The following SLC39A14 variants were observed in gnomAD, a reference collection of about 807,000 sequenced individuals.
The protein encoded by SLC39A14 is metal cation symporter ZIP14.
SLC39A14 carries 19 observed loss-of-function variants against 45.5 expected under a neutral mutation model. The observed-to-expected ratio is 0.42, with a 90% CI of 0.29 to 0.61. The LOEUF (loss-of-function observed/expected upper bound fraction) is 0.61, where lower values mean the gene tolerates loss of function less well. SLC39A14 is among the 20% of genes least tolerant of loss of function. The pLI is 0.22. For missense variants in SLC39A14, 447 were observed against 616.5 expected (o/e 0.73, Z 2.91); for synonymous variants, 264 against 251.3 (o/e 1.05, Z -0.48).
intron 1 of SLC39A14, among the ~76,000 whole-genome samples, chr8:22,388,445 G>A (rs1833898845): frequency 1.3e-5 from 2 of 152,138 alleles, no homozygotes; most frequent in Admixed American, 1.3e-4. Context: ...TGGCAGGTGA[G>A]GGTGACAGTG....
At chr8:22,409,437 C>T (rs998947682) in intron 3 of SLC39A14, among the ~76,000 whole-genome samples, 1 of 151,690 alleles carries the variant, frequency 6.6e-6, no homozygotes, top group African/African-American at 2.4e-5. Context: ...GGCTGAAGTG[C>T]GGTGGTGCAA....
In SLC39A14 at chr8:22,429,170, G is replaced by A. The variant is rs559677709; in HGVS notation, c.1333-4721G>A. 1.8e-4 allele frequency among the ~76,000 whole-genome samples: 27 copies of A among 152,280 alleles called. 1 individual carries two copies. The highest frequency in any genetic ancestry group is 6.5e-4 in the African/African-American group (27 of 41,570). On this transcript the variant is annotated intron_variant, in intron 8 of 8. Transcript: ENST00000240095. Reference sequence around the variant, plus strand: ...ACCTGTGGTCCCAGCTACTCGGGAGGCTGAGGCAGGAGAATGGCATGAACC... The same window carrying A: ...ACCTGTGGTCCCAGCTACTCGGGAGACTGAGGCAGGAGAATGGCATGAACC...
chr8:22,370,912 C>T (rs187479593), intron 1 of SLC39A14, among the ~76,000 whole-genome samples: 102 of 152,262 alleles, frequency 6.7e-4, no homozygotes, highest in Non-Finnish European at 1.3e-3. Flanking sequence ...GATAAGGAGT[C>T]CAGAGTCCGC....
intron 1 of SLC39A14, among the ~76,000 whole-genome samples, chr8:22,368,472 C>T (rs552585204): frequency 4.6e-5 from 7 of 151,888 alleles, no homozygotes; most frequent in South Asian, 2.1e-4. Context: ...TATACAATTC[C>T]GTAATCCTTC....
chr8:22,424,762 C>CA (rs1234858606), downstream of SLC39A14, among the ~76,000 whole-genome samples: 1 of 151,068 alleles, frequency 6.6e-6, no homozygotes, highest in African/African-American at 2.5e-5. Context: ...TGCAATGGCT[C>CA]ACGCCTGTAA....
At chr8:22,384,939 A>C (rs1377860004) in intron 1 of SLC39A14, among the ~76,000 whole-genome samples, 1 of 151,042 alleles carries the variant, frequency 6.6e-6, no homozygotes. Flanking sequence ...AGTCCCAGCT[A>C]TTCAGGAGGC....
intron 1 of SLC39A14, among the ~76,000 whole-genome samples, chr8:22,369,360 C>A (rs1015745388): frequency 6.6e-6 from 1 of 152,220 alleles, no homozygotes; most frequent in African/African-American, 2.4e-5. Context: ...ACTCACTGAC[C>A]TGAGGACTTG....
In SLC39A14 at chr8:22,421,266, C is replaced by A; in HGVS notation, c.*1568C>A. ...CTTTTCTCTTACATAGAAAAACTGT[C>A]CGCTCTCAGTAATCACAAGCAGCAT... On this transcript the variant is annotated 3_prime_UTR_variant, in exon 9 of 9. Transcript: ENST00000381237. 2.0e-6 allele frequency: 2 copies of A among 985,788 alleles called. No homozygotes were observed. Among genetic ancestry groups the A allele is most frequent in the Non-Finnish European group, 2.4e-6 (2 of 829,936 alleles). The allele number at this position is 985,788 out of a possible 1,614,324, so 61.1% of individuals were successfully genotyped here. A position where few individuals can be genotyped will look rare whatever the true frequency, so the allele number is the denominator to read the frequency against.
At chr8:22,382,149 A>T (rs1236627416) in intron 1 of SLC39A14, among the ~76,000 whole-genome samples, 1 of 152,140 alleles carries the variant, frequency 6.6e-6, no homozygotes, top group Non-Finnish European at 1.5e-5. Flanking sequence ...CTCAAAAACA[A>T]CAACCAAAAA....
At chr8:22,386,899 G>C (rs952486483) in intron 1 of SLC39A14, among the ~76,000 whole-genome samples, 1 of 152,266 alleles carries the variant, frequency 6.6e-6, no homozygotes, top group African/African-American at 2.4e-5. Flanking sequence ...TCGGCCAATC[G>C]TGGTGGCTCA....
chr8:22,389,438 G>C (rs1360127407), intron 1 of SLC39A14, among the ~76,000 whole-genome samples: 21 of 151,640 alleles, frequency 1.4e-4, no homozygotes, highest in Non-Finnish European at 2.5e-4. Flanking sequence ...GCAGGGGGAG[G>C]TAGTGGTACA....
chr8:22,419,482 C>T, intron 8 of SLC39A14, 70 bp from the exon 9 acceptor site: 2 of 1,454,422 alleles, frequency 1.4e-6, no homozygotes, highest in Non-Finnish European at 1.9e-6. Flanking sequence ...ATATCTCCAT[C>T]ACTGAATTGC....
chr8:22,388,046 A>G (rs1586667860), intron 1 of SLC39A14, among the ~76,000 whole-genome samples: 2 of 152,350 alleles, frequency 1.3e-5, no homozygotes, highest in East Asian at 3.9e-4. Flanking sequence ...GAGTGTGTGC[A>G]TGTACACATT....
intron 8 of SLC39A14, among the ~76,000 whole-genome samples, chr8:22,432,639 C>T (rs1037604889): frequency 2.2e-5 from 3 of 133,560 alleles, no homozygotes; most frequent in African/African-American, 2.8e-5. Context: ...CCACCGTGCC[C>T]GGCTAATTTT....
intron 1 of SLC39A14, among the ~76,000 whole-genome samples, chr8:22,391,653 T>C (rs1834079959): frequency 6.6e-6 from 1 of 151,906 alleles, no homozygotes; most frequent in Non-Finnish European, 1.5e-5. Context: ...TCACTGCAAC[T>C]TCTGTCTCCC....
Position 22,422,508 on chromosome 8 carries a change from G to T in SLC39A14, c.*2810G>T. The T allele has an allele frequency of 1.0e-6, 1 of 985,834 alleles. No individual in the cohort carries two copies. Among genetic ancestry groups the T allele is most frequent in the Non-Finnish European group, 1.2e-6 (1 of 829,908 alleles). The allele number at this position is 985,834 out of a possible 1,614,324, so 61.1% of individuals were successfully genotyped here. On this transcript the variant is annotated 3_prime_UTR_variant, in exon 9 of 9. Coordinates refer to ENST00000381237, the MANE Select transcript of SLC39A14 (RefSeq NM_001128431.4). The stretch of plus-strand genomic sequence containing the variant: ...ACAAAGTTGTCTGATTTTTGCAAGA[G>T]AGGTTAGGATTTTATTGTTCTTATT...
chr8:22,380,798 T>C (rs144732502), intron 1 of SLC39A14, among the ~76,000 whole-genome samples: 5 of 151,924 alleles, frequency 3.3e-5, no homozygotes, highest in African/African-American at 1.2e-4. Flanking sequence ...CATTTCAGCC[T>C]TCCAAGTAGC....
chr8:22,406,798 G>A (rs898098662), intron 2 of SLC39A14, among the ~76,000 whole-genome samples: 1 of 152,124 alleles, frequency 6.6e-6, no homozygotes, highest in African/African-American at 2.4e-5. Context: ...GTGCCCCCGC[G>A]GGGTAATGCA....
At chr8:22,396,861 AACATGAGCCATGCGTGG>A (rs1464562028) in intron 1 of SLC39A14, among the ~76,000 whole-genome samples, 1 of 152,126 alleles carries the variant, frequency 6.6e-6, no homozygotes, top group Non-Finnish European at 1.5e-5. Flanking sequence ...CCAGGAATAG[AACATGAGCCATGCGTGG>A]TGCCTCCTTC....
Sources: gnomAD v4.1 joint callset for allele counts (sites outside exome capture counted in the v4.1 genomes callset) on GRCh38, gnomAD v4.1.1 for gene constraint, MANE v1.5 for transcripts, NCBI Gene and HGNC (gene_info 2026-07-23, HGNC 2026-07-21) for gene names.